PARD3B: variants seen among roughly 807,000 people sequenced by gnomAD.
The protein encoded by PARD3B is partitioning defective 3 homolog B.
PARD3B carries 103 observed loss-of-function variants against 130.2 expected under a neutral mutation model. The observed-to-expected ratio is 0.79, with a 90% CI of 0.67 to 0.93. The LOEUF (loss-of-function observed/expected upper bound fraction) is 0.93. Ranked by LOEUF, PARD3B falls within the 40% of genes least tolerant of loss-of-function variation. PARD3B has a pLI of 0.00. For missense variants in PARD3B, 1,609 were observed against 1,499.2 expected (o/e 1.07, Z -1.21); for synonymous variants, 583 against 553.2 (o/e 1.05, Z -0.76).
chr2:205,456,939 T>C (rs1189938442), intron 20 of PARD3B, among the ~76,000 whole-genome samples: 26 of 150,616 alleles, frequency 1.7e-4, no homozygotes, highest in Admixed American at 1.7e-3. Context: ...TTTAATAAAT[T>C]TAATAAATCG....
At chr2:205,472,554 T>A (rs1194150910) in intron 20 of PARD3B, among the ~76,000 whole-genome samples, 2 of 152,192 alleles carry the variant, frequency 1.3e-5, no homozygotes, top group East Asian at 3.9e-4. Flanking sequence ...CTGAAAAAAA[T>A]TGTTGGCTTC....
At chr2:204,801,774 G>T (rs947775295) in intron 2 of PARD3B, among the ~76,000 whole-genome samples, 2 of 152,162 alleles carry the variant, frequency 1.3e-5, no homozygotes, top group Non-Finnish European at 2.9e-5. Context: ...GGGCATCCTT[G>T]TCTTGTGCTG....
intron 2 of PARD3B, among the ~76,000 whole-genome samples, chr2:204,724,748 C>T (rs995503938): frequency 1.4e-5 from 2 of 145,614 alleles, no homozygotes; most frequent in Admixed American, 1.5e-4. Flanking sequence ...TCAAGGAGTT[C>T]ATGATCGTAT....
intron 1 of PARD3B, among the ~76,000 whole-genome samples, chr2:204,563,996 G>A (rs1421109451): frequency 6.6e-6 from 1 of 152,056 alleles, no homozygotes; most frequent in African/African-American, 2.4e-5. Context: ...GGATGGTCTC[G>A]ATCTCCTGAC....
At chr2:205,570,948 A>G (rs11904286) in intron 22 of PARD3B, among the ~76,000 whole-genome samples, 4,438 of 152,280 alleles carry the variant, frequency 0.029, 212 homozygotes, top group African/African-American at 0.1. Context: ...ATCCAAAGGA[A>G]GTAAAATATT....
chr2:205,358,561 G>C (rs1298066325), intron 18 of PARD3B, among the ~76,000 whole-genome samples: 1 of 152,182 alleles, frequency 6.6e-6, no homozygotes, highest in Non-Finnish European at 1.5e-5. Context: ...GCCCCAAGGG[G>C]CGTGTGAATC....
intron 3 of PARD3B, among the ~76,000 whole-genome samples, chr2:204,990,084 A>G (rs1693523051): frequency 6.6e-6 from 1 of 152,142 alleles, no homozygotes; most frequent in Non-Finnish European, 1.5e-5. Flanking sequence ...CAGCAAAACA[A>G]TATAGCTAGA....
At chr2:205,496,913 C>T (rs1206385528) in intron 20 of PARD3B, among the ~76,000 whole-genome samples, 1 of 151,214 alleles carries the variant, frequency 6.6e-6, no homozygotes, top group Non-Finnish European at 1.5e-5. Flanking sequence ...ATGTTTGCAC[C>T]ATGTTGATTG....
intron 2 of PARD3B, among the ~76,000 whole-genome samples, chr2:204,873,192 AC>A (rs1266066512): frequency 6.6e-6 from 1 of 152,224 alleles, no homozygotes; most frequent in African/African-American, 2.4e-5. Context: ...TATATCCTTT[AC>A]AGGTAGAATC....
intron 15 of PARD3B, among the ~76,000 whole-genome samples, chr2:205,210,931 C>A (rs2037596688): frequency 6.6e-6 from 1 of 152,040 alleles, no homozygotes; most frequent in Admixed American, 6.6e-5. Flanking sequence ...GATCAAATTT[C>A]AGCCCTTGCT....
Position 205,158,814 on chromosome 2 carries a change from CG to C in PARD3B, c.1531del (p.Val511Ter). 2 of 1,614,130 alleles carry C rather than the reference CG, an allele frequency of 1.2e-6. No individual in the cohort carries two copies. Among genetic ancestry groups the C allele is most frequent in the Non-Finnish European group, 8.5e-7 (1 of 1,180,014 alleles). On this transcript the variant is annotated frameshift_variant, in exon 11 of 23. Transcript: ENST00000406610. LOFTEE classifies it high-confidence loss of function. The surrounding 1 kb of genome is among the most constrained non-coding windows in gnomAD (Gnocchi z 5.4). The part of the protein sequence containing the change: ...PLNDSGSAGL[G>X]VSLKGNKSRE... ...TGAATGATTCAGGTTCTGCTGGCCT[CG>C]GGGTGAGCTTAAAAGGGAACAAATC...
chr2:205,294,607 G>T (rs1214969397), intron 16 of PARD3B, among the ~76,000 whole-genome samples: 1 of 152,086 alleles, frequency 6.6e-6, no homozygotes, highest in Non-Finnish European at 1.5e-5. Flanking sequence ...ATTTTCTCTG[G>T]ATAGTTTCAC....
At chr2:205,064,105 G>A (rs1700218548) in intron 4 of PARD3B, among the ~76,000 whole-genome samples, 1 of 152,162 alleles carries the variant, frequency 6.6e-6, no homozygotes, top group African/African-American at 2.4e-5. Flanking sequence ...ACATGCACAG[G>A]TTAAATTTTA....
At chr2:204,935,855 A>G (rs236827) in intron 2 of PARD3B, among the ~76,000 whole-genome samples, 49,616 of 152,022 alleles carry the variant, frequency 0.33, 9,477 homozygotes, top group East Asian at 0.72. Context: ...TAATTACAGG[A>G]TTATAGATGG....
At chr2:204,800,203 G>A (rs2042517750) in intron 2 of PARD3B, among the ~76,000 whole-genome samples, 1 of 152,134 alleles carries the variant, frequency 6.6e-6, no homozygotes, top group Non-Finnish European at 1.5e-5. Flanking sequence ...AAAAACTGAA[G>A]CAGAAATTCT....
At chr2:205,514,966 C>T (rs2050735471) in intron 21 of PARD3B, among the ~76,000 whole-genome samples, 1 of 151,546 alleles carries the variant, frequency 6.6e-6, no homozygotes, top group Non-Finnish European at 1.5e-5. Context: ...CAACAGTTAC[C>T]TTTTCTGCTC....
At chr2:205,296,369 C>T (rs2041791838) in intron 16 of PARD3B, among the ~76,000 whole-genome samples, 1 of 152,174 alleles carries the variant, frequency 6.6e-6, no homozygotes, top group South Asian at 2.1e-4. Flanking sequence ...CAGTGCTCAG[C>T]TGTAAGGCAA....
chr2:205,593,382 C>T (rs921949403), intron 22 of PARD3B, among the ~76,000 whole-genome samples: 1 of 152,018 alleles, frequency 6.6e-6, no homozygotes, highest in Non-Finnish European at 1.5e-5. Flanking sequence ...TTTAAAACCC[C>T]AACTGAGTGA....
At position 205,445,178 on chromosome 2, in the gene PARD3B, C is replaced by A. The variant is rs190175837; in HGVS notation, c.3044+4506C>A. On this transcript the variant is annotated intron_variant, in intron 20 of 22. Coordinates refer to ENST00000406610, the MANE Select transcript of PARD3B (RefSeq NM_001302769.2). ...GCCCAGAGAAGATGAGTGACTTGCC[C>A]AAGGTCACACAGCATGGAATCAGGA... 4.6e-5 allele frequency among the ~76,000 whole-genome samples: 7 copies of A among 152,198 alleles called. No individual in the cohort carries two copies. The East Asian group carries it at 9.7e-4, about 21-fold the overall frequency.
Sources: allele counts gnomAD v4.1 joint callset (sites outside exome capture counted in the v4.1 genomes callset), GRCh38; gene constraint gnomAD v4.1.1; non-coding constraint Gnocchi (gnomAD v3.1); transcripts MANE v1.5; gene names NCBI Gene and HGNC (gene_info 2026-07-23, HGNC 2026-07-21).